WASHC2A: variants seen among roughly 807,000 people sequenced by gnomAD.
The protein encoded by WASHC2A is WASH complex subunit 2A, also known as WASH complex subunit FAM21A.
WASHC2A carries 82 observed loss-of-function variants against 140.3 expected under a neutral mutation model. The ratio of observed to expected loss-of-function variants is 0.58; its 90% CI spans 0.49 to 0.70. The LOEUF (loss-of-function observed/expected upper bound fraction) is 0.70. WASHC2A is among the 30% of genes least tolerant of loss of function. The pLI, the probability that WASHC2A is intolerant of heterozygous loss-of-function variation, is 0.00. For missense variants in WASHC2A, 985 were observed against 1,521.8 expected (o/e 0.65, Z 5.87); for synonymous variants, 340 against 560.8 (o/e 0.61, Z 5.56).
chr10:50,099,057 T>G (rs1554885598), intron 16 of WASHC2A, among the ~76,000 whole-genome samples: 1 of 152,138 alleles, frequency 6.6e-6, no homozygotes, highest in Non-Finnish European at 1.5e-5. Context: ...TTTTACTCAG[T>G]GTTTTGAAAA....
rs548069723 is a variant in WASHC2A, at chr10:50,095,213, A to G, written c.1240+6A>G. 2.6e-6 allele frequency: 4 copies of G among 1,566,828 alleles called. No homozygotes were observed. Among genetic ancestry groups the G allele is most frequent in the East Asian group, 2.2e-5 (1 of 44,486 alleles). On this transcript the variant is annotated splice_donor_region_variant and intron_variant, in intron 14 of 30. Coordinates refer to ENST00000282633, the MANE Select transcript of WASHC2A (RefSeq NM_001005751.3). ...AGCTGTTTCTGTATTTTTAGGTAAC[A>G]TAACTTAGGTTTGTTTTCTAAAAAC...
chr10:50,090,515 A>AAAAAATAT (rs1214596899), intron 8 of WASHC2A, among the ~76,000 whole-genome samples: 3 of 108,726 alleles, frequency 2.8e-5, no homozygotes, highest in African/African-American at 9.8e-5. Context: ...AAAAAAAAAA[A>AAAAAATAT]ATATATATAT....
intron 4 of WASHC2A, among the ~76,000 whole-genome samples, chr10:50,079,547 C>T (rs1237420199): frequency 2.6e-5 from 4 of 152,184 alleles, no homozygotes; most frequent in African/African-American, 9.6e-5. Flanking sequence ...CAGGCGTGTG[C>T]CACCACGCCT....
At position 50,100,175 on chromosome 10, in the gene WASHC2A, C is replaced by T. The variant is rs1840968854; in HGVS notation, c.1635+111C>T. ...GTTATAAGACTTTTTGTTAAGTACTCCAGTTCTTTAAAAATTATCTCTAGA... is the reference window on the plus strand; with the variant it reads ...GTTATAAGACTTTTTGTTAAGTACTTCAGTTCTTTAAAAATTATCTCTAGA... On this transcript the variant is annotated intron_variant, in intron 17 of 30. Coordinates refer to ENST00000282633, the MANE Select transcript of WASHC2A (RefSeq NM_001005751.3). The T allele has an allele frequency of 6.8e-6, 10 of 1,463,996 alleles. No individual in the cohort carries two copies. In the South Asian group the frequency reaches 1.0e-4, roughly 15 times the overall value. The allele number at this position is 1,463,996 out of a possible 1,614,324, so 90.7% of individuals were successfully genotyped here.
chr10:50,111,126 C>G (rs1842257417), intron 20 of WASHC2A, among the ~76,000 whole-genome samples: 2 of 147,478 alleles, frequency 1.4e-5, no homozygotes, highest in Non-Finnish European at 3.0e-5. Flanking sequence ...CTTATGGGTT[C>G]AGAATTACTT....
At chr10:50,077,553 A>T (rs1285026467) in intron 3 of WASHC2A, among the ~76,000 whole-genome samples, 2 of 152,028 alleles carry the variant, frequency 1.3e-5, no homozygotes, top group East Asian at 1.9e-4. Flanking sequence ...AAAGTATACA[A>T]TTTGGTGGTT....
intron 23 of WASHC2A, among the ~76,000 whole-genome samples, chr10:50,122,083 C>G (rs1392305267): frequency 7.5e-6 from 1 of 134,148 alleles, no homozygotes; most frequent in Non-Finnish European, 1.6e-5. Flanking sequence ...AAGACTCACA[C>G]TTCCTGATTT....
At chr10:50,081,746 C>T (rs1838906093) in intron 5 of WASHC2A, among the ~76,000 whole-genome samples, 1 of 151,880 alleles carries the variant, frequency 6.6e-6, no homozygotes, top group African/African-American at 2.4e-5. Flanking sequence ...GATTCTCCTG[C>T]CCCAGCCTCC....
intron 23 of WASHC2A, among the ~76,000 whole-genome samples, chr10:50,120,748 AC>A (rs1204646965): frequency 2.0e-5 from 3 of 147,208 alleles, no homozygotes; most frequent in African/African-American, 8.0e-5. Flanking sequence ...AAAATCCTCA[AC>A]AAAAATACTA....
At position 50,078,375 on chromosome 10, in the gene WASHC2A, G is replaced by A. The variant is rs1196670431; in HGVS notation, c.292-300G>A. Among the ~76,000 whole-genome samples the A allele has an allele frequency of 3.6e-3, 545 of 152,232 alleles. 3 individuals are homozygous for A. The highest frequency in any genetic ancestry group is 0.013 in the African/African-American group (520 of 41,518). On this transcript the variant is annotated intron_variant, in intron 3 of 30. Transcript: ENST00000282633. The stretch of plus-strand genomic sequence containing the variant: ...ACATTATTAGGTTAAATGAAAAGGT[G>A]TGAAAACTGATATCTTACTGTTTTT...
chr10:50,127,167 C>T lies in WASHC2A; in HGVS notation c.2819C>T (p.Ser940Leu), dbSNP rs1368724621. Residue 940 changes from serine (S) to leucine (L), a missense_variant, in exon 27 of 31, where the codon TCA (serine) becomes TTA (leucine). Transcript: ENST00000282633. ...IWKPETPQDS[S>L]GLAPFKTKEP... is the part of the protein sequence containing the mutation. ...GGATGTAATTTTACACAGGACTCAT[C>T]AGGTCTCGCTCCATTTAAAACCAAA... The T allele has an allele frequency of 3.1e-6, 5 of 1,611,936 alleles. No homozygotes were observed. The highest frequency in any genetic ancestry group is 1.3e-5 in the African/African-American group (1 of 74,870).
chr10:50,126,674 AG>A (rs1451165658), intron 26 of WASHC2A, among the ~76,000 whole-genome samples: 39 of 152,198 alleles, frequency 2.6e-4, no homozygotes, highest in African/African-American at 8.7e-4. Flanking sequence ...TTCCACGTGC[AG>A]GTGTCCCAGG....
At chr10:50,090,649 C>A in intron 8 of WASHC2A, 127 bp from the exon 9 acceptor site, 1 of 749,084 alleles carries the variant, frequency 1.3e-6, no homozygotes, top group Non-Finnish European at 1.8e-6. Context: ...TCATAACTTG[C>A]TGCATCATGT....
At chr10:50,127,473 A>G in intron 27 of WASHC2A, 110 bp from the exon 28 acceptor site, 6 of 1,610,178 alleles carry the variant, frequency 3.7e-6, no homozygotes, top group Non-Finnish European at 5.1e-6. Flanking sequence ...ACGTTTCTCT[A>G]CTCCTCTCGT....
intron 8 of WASHC2A, among the ~76,000 whole-genome samples, chr10:50,090,556 AT>A (rs1369102567): frequency 1.4e-5 from 2 of 140,580 alleles, no homozygotes; most frequent in African/African-American, 2.5e-5. Context: ...ATATATTTAT[AT>A]TTTATATATA....
Position 50,096,519 on chromosome 10 carries a change from TA to T in WASHC2A, c.1420+747del, listed in dbSNP as rs1450659672. ...AGGTGCACATGATTTTCAGCAACTT[TA>T]AAAAATAAAAAAGGATGGCATAGGA... On this transcript the variant is annotated intron_variant, in intron 15 of 30. Transcript: ENST00000282633. Among the ~76,000 whole-genome samples the T allele has an allele frequency of 9.9e-5, 11 of 110,736 alleles. 2 individuals carry two copies. Among genetic ancestry groups the T allele is most frequent in the Non-Finnish European group, 2.3e-4 (11 of 48,274 alleles). 72.6% of individuals were successfully genotyped at this position (110,736 alleles called of 152,430 possible). A position where few individuals can be genotyped will look rare whatever the true frequency, so the allele number is the denominator to read the frequency against.
intron 17 of WASHC2A, among the ~76,000 whole-genome samples, chr10:50,103,185 G>C (rs1841384056): frequency 6.6e-6 from 1 of 151,754 alleles, no homozygotes; most frequent in African/African-American, 2.4e-5. Context: ...TCTTATCCTG[G>C]TTTGCAATGT....
At position 50,129,069 on chromosome 10, in the gene WASHC2A, A is replaced by G. The variant is rs565905383; in HGVS notation, c.3088-350A>G. ...ATACCCACGTTTCTATTGAGGGTAGAGTAGGGGCCAAGGGAGGGGTTGTGA... is the reference window on the plus strand; with the variant it reads ...ATACCCACGTTTCTATTGAGGGTAGGGTAGGGGCCAAGGGAGGGGTTGTGA... On this transcript the variant is annotated intron_variant, in intron 28 of 30. Coordinates refer to ENST00000282633, the MANE Select transcript of WASHC2A (RefSeq NM_001005751.3). Among the ~76,000 whole-genome samples the G allele has an allele frequency of 2.6e-5, 4 of 152,254 alleles. No individual in the cohort carries two copies. In the South Asian group the frequency reaches 8.3e-4, roughly 32 times the overall value.
chr10:50,102,539 G>A (rs1249102289), intron 17 of WASHC2A, among the ~76,000 whole-genome samples: 2 of 151,868 alleles, frequency 1.3e-5, no homozygotes, highest in South Asian at 2.1e-4. Flanking sequence ...TCCCCTTGTG[G>A]CCTCTTCTAT....
Sources: allele counts gnomAD v4.1 joint callset (sites outside exome capture counted in the v4.1 genomes callset), GRCh38; gene constraint gnomAD v4.1.1; transcripts MANE v1.5; gene names NCBI Gene and HGNC (gene_info 2026-07-23, HGNC 2026-07-21).